Variants in MYH15 observed in about 807,000 individuals in gnomAD.
MYH15 encodes myosin-15.
Under a neutral mutation model 240.5 loss-of-function variants are expected in MYH15, and 227 were observed. That is an observed-to-expected ratio of 0.94 (90% CI 0.85 to 1.05). MYH15 has a LOEUF of 1.05. MYH15 is among the 50% of genes least tolerant of loss of function. The pLI is 0.00. For synonymous variants in MYH15, 785 were observed against 796.7 expected (o/e 0.99, Z 0.25); for missense variants, 2,217 against 2,247.5 (o/e 0.99, Z 0.27).
intron 15 of MYH15, 51 bp from the exon 16 acceptor site, chr3:108,463,294 G>A: frequency 6.5e-7 from 1 of 1,549,994 alleles, no homozygotes; most frequent in Non-Finnish European, 8.7e-7. Flanking sequence ...AACTGCATAA[G>A]TTAACATGGA....
rs143536624 is a variant in MYH15, at chr3:108,487,813, A to T, written c.872-1287T>A. Among the ~76,000 whole-genome samples the T allele has an allele frequency of 6.9e-3, 1,045 of 152,346 alleles. 4 individuals are homozygous for T. Among genetic ancestry groups the T allele is most frequent in the Non-Finnish European group, 9.1e-3 (620 of 68,034 alleles). ...GCAGTGTACTTTAGGTGAAAAGAAC[A>T]TCAATAAATTTGTTTTATAAAACTT... On this transcript the variant is annotated intron_variant, in intron 9 of 40. Transcript: ENST00000693548.
rs147101810 is a variant in MYH15 at position 108,507,226 on chromosome 3, AATATATATATATATATATAT to A, written c.89-1417_89-1398del. Among the ~76,000 whole-genome samples the A allele has an allele frequency of 5.0e-3, 490 of 98,516 alleles. 8 individuals are homozygous for A. The highest frequency in any genetic ancestry group is 0.024 in the East Asian group (58 of 2,412). 64.6% of individuals were successfully genotyped at this position (98,516 alleles called of 152,430 possible). ...CATACTTTCCTTTTAAAGGAAAATG[AATATATATATATATATATAT>A]ATATATATATATATATATATATATA... On this transcript the variant is annotated intron_variant, in intron 1 of 40. Transcript: ENST00000693548.
At chr3:108,490,353 T>C (rs2107598377) in intron 9 of MYH15, among the ~76,000 whole-genome samples, 1 of 152,352 alleles carries the variant, frequency 6.6e-6, no homozygotes, top group South Asian at 2.1e-4. Flanking sequence ...CTGGGAGAAT[T>C]GTTCCCATCA....
chr3:108,482,635 C>T (rs2083275824), intron 11 of MYH15, among the ~76,000 whole-genome samples: 1 of 152,162 alleles, frequency 6.6e-6, no homozygotes, highest in African/African-American at 2.4e-5. Context: ...CTTCATAACA[C>T]ATTGTCTCAC....
intron 35 of MYH15, among the ~76,000 whole-genome samples, chr3:108,395,906 C>A (rs1016229797): frequency 6.6e-6 from 1 of 152,148 alleles, no homozygotes; most frequent in Non-Finnish European, 1.5e-5. Flanking sequence ...TGAATAATAT[C>A]ACCTAGACCA....
In MYH15 at chr3:108,431,062, T is replaced by C. The variant is rs527938889; in HGVS notation, c.3222-140A>G. 5.5e-5 allele frequency: 34 copies of C among 621,010 alleles called. No homozygotes were observed. The East Asian group carries it at 9.8e-4, about 18-fold the overall frequency. 38.5% of individuals were successfully genotyped at this position (621,010 alleles called of 1,614,324 possible). On this transcript the variant is annotated intron_variant, in intron 25 of 40. Transcript: ENST00000693548. ...TATCCCAATTACCCTGATTTACTCA[T>C]TGTACATTGTATACAGGCATCAAAA...
intron 26 of MYH15, among the ~76,000 whole-genome samples, chr3:108,430,602 GCAAACAGT>G (rs927782571): frequency 1.3e-5 from 2 of 152,154 alleles, no homozygotes; most frequent in Non-Finnish European, 2.9e-5. Context: ...CTGGTTCACA[GCAAACAGT>G]CAACCAATTA....
At chr3:108,481,553 T>C (rs1341570182) in intron 11 of MYH15, among the ~76,000 whole-genome samples, 1 of 152,150 alleles carries the variant, frequency 6.6e-6, no homozygotes, top group East Asian at 1.9e-4. Context: ...ATCCAAGAAG[T>C]TACTTTAATA....
chr3:108,436,986 A>C (rs2082843785), intron 25 of MYH15, among the ~76,000 whole-genome samples: 1 of 152,126 alleles, frequency 6.6e-6, no homozygotes, highest in Non-Finnish European at 1.5e-5. Context: ...AGTTGCCCTG[A>C]GTTCTTTGGG....
intron 1 of MYH15, among the ~76,000 whole-genome samples, chr3:108,521,157 T>C (rs1682243370): frequency 6.6e-6 from 1 of 152,112 alleles, no homozygotes; most frequent in South Asian, 2.1e-4. Flanking sequence ...AAAAGTGTCT[T>C]GTCTATCCAA....
At chr3:108,440,886 G>T (rs1475251513) in intron 23 of MYH15, 132 bp downstream of exon 23, 1 of 1,081,786 alleles carries the variant, frequency 9.2e-7, no homozygotes, top group Non-Finnish European at 1.4e-6. Context: ...TGCCAGTTCT[G>T]ACTCTCAATG....
At chr3:108,493,871 G>A (rs1338732319) in intron 7 of MYH15, among the ~76,000 whole-genome samples, 1 of 152,228 alleles carries the variant, frequency 6.6e-6, no homozygotes, top group African/African-American at 2.4e-5. Context: ...TTTAAGCAGA[G>A]GAGTGATGTG....
chr3:108,405,240 T>C, intron 33 of MYH15, 98 bp downstream of exon 33: 1 of 543,244 alleles, frequency 1.8e-6, no homozygotes, highest in Non-Finnish European at 3.1e-6. Context: ...TTGGTAATGC[T>C]CCAACAGGGG....
intron 27 of MYH15, among the ~76,000 whole-genome samples, chr3:108,425,498 G>A (rs1387431368): frequency 6.6e-6 from 1 of 152,134 alleles, no homozygotes; most frequent in Non-Finnish European, 1.5e-5. Context: ...AGACCTACAT[G>A]GGAATGGGAA....
At chr3:108,411,299 T>A (rs1340531441) in intron 30 of MYH15, among the ~76,000 whole-genome samples, 1 of 152,240 alleles carries the variant, frequency 6.6e-6, no homozygotes, top group Non-Finnish European at 1.5e-5. Context: ...CTACCAACAG[T>A]AAGCACCTTA....
chr3:108,545,707 A>G, the MYH15 span, among the ~76,000 whole-genome samples: 1 of 151,978 alleles, frequency 6.6e-6, no homozygotes, highest in Admixed American at 6.6e-5. Flanking sequence ...ACACACACAC[A>G]CACACACACA....
intron 9 of MYH15, among the ~76,000 whole-genome samples, chr3:108,488,583 C>T (rs530497079): frequency 6.6e-6 from 1 of 152,328 alleles, no homozygotes; most frequent in South Asian, 2.1e-4. Flanking sequence ...GCTGGGATTA[C>T]AGTCATGAGC....
chr3:108,512,042 G>C (rs2083525849), upstream of MYH15, among the ~76,000 whole-genome samples: 1 of 152,150 alleles, frequency 6.6e-6, no homozygotes, highest in East Asian at 1.9e-4. Flanking sequence ...TAGTCTTAAT[G>C]TATAGGAACA....
chr3:108,487,220 C>T (rs188778297), intron 9 of MYH15, among the ~76,000 whole-genome samples: 4 of 152,336 alleles, frequency 2.6e-5, no homozygotes, highest in African/African-American at 9.6e-5. Context: ...TTTCACTGTC[C>T]AACACTTGCT....
Sources: allele counts gnomAD v4.1 joint callset (sites outside exome capture counted in the v4.1 genomes callset), GRCh38; gene constraint gnomAD v4.1.1; transcripts MANE v1.5; gene names NCBI Gene and HGNC (gene_info 2026-07-23, HGNC 2026-07-21).